The following COL4A1 variants were observed in gnomAD, a reference collection of about 807,000 sequenced individuals.
The protein encoded by COL4A1 is collagen alpha-1(IV) chain.
In COL4A1, 40 loss-of-function variants were observed where a neutral mutation model predicts 216.6. The observed-to-expected ratio is 0.18, with a 90% CI of 0.14 to 0.24. COL4A1 has a LOEUF of 0.24. COL4A1 is among the 10% of genes least tolerant of loss of function. COL4A1 has a pLI of 1.00. For missense variants in COL4A1, 1,628 were observed against 2,196.8 expected (o/e 0.74, Z 5.18); for synonymous variants, 839 against 810.7 (o/e 1.03, Z -0.59).
At chr13:110,306,195 G>A (rs1884697490) in intron 1 of COL4A1, among the ~76,000 whole-genome samples, 1 of 152,008 alleles carries the variant, frequency 6.6e-6, no homozygotes, top group Non-Finnish European at 1.5e-5. Context: ...CATAACCAAA[G>A]GAAATGAAAA....
At chr13:110,205,882 T>C (rs1226779940) in intron 15 of COL4A1, among the ~76,000 whole-genome samples, 1 of 151,850 alleles carries the variant, frequency 6.6e-6, no homozygotes, top group Non-Finnish European at 1.5e-5. Context: ...TATATGTATA[T>C]ATATATAATA....
At chr13:110,266,249 G>T (rs1186807179) in intron 1 of COL4A1, 1 of 152,298 alleles carries the variant, frequency 6.6e-6, no homozygotes, top group African/African-American at 2.4e-5. Context: ...CTCACAGACG[G>T]CAGCATCCAC....
At chr13:110,234,349 G>T (rs75037195) in intron 2 of COL4A1, among the ~76,000 whole-genome samples, 1 of 152,124 alleles carries the variant, frequency 6.6e-6, no homozygotes, top group Non-Finnish European at 1.5e-5. Flanking sequence ...TTGGGAGGCC[G>T]AGACAGCAAA....
chr13:110,276,999 G>T (rs75332553), intron 1 of COL4A1, among the ~76,000 whole-genome samples: 8,290 of 152,232 alleles, frequency 0.054, 305 homozygotes, highest in Non-Finnish European at 0.082. Context: ...CCTTTTGCAG[G>T]GATGTGCGTT....
chr13:110,251,257 A>T (rs148360469), intron 1 of COL4A1, among the ~76,000 whole-genome samples: 1 of 152,164 alleles, frequency 6.6e-6, no homozygotes, highest in Admixed American at 6.5e-5. Flanking sequence ...CCTGGCCTGC[A>T]CCGGCCATGT....
intron 2 of COL4A1, among the ~76,000 whole-genome samples, chr13:110,218,658 G>A (rs926346919): frequency 5.3e-5 from 8 of 152,206 alleles, no homozygotes; most frequent in African/African-American, 1.9e-4. Flanking sequence ...GGTAGTGAAA[G>A]GTTACTGGGC....
At chr13:110,282,697 G>T (rs1007336908) in intron 1 of COL4A1, among the ~76,000 whole-genome samples, 1 of 152,200 alleles carries the variant, frequency 6.6e-6, no homozygotes, top group African/African-American at 2.4e-5. Context: ...GTACCCTGAA[G>T]TATATGTCCC....
chr13:110,241,433 T>C (rs1050675045), intron 2 of COL4A1, among the ~76,000 whole-genome samples: 2 of 152,210 alleles, frequency 1.3e-5, no homozygotes, highest in Admixed American at 1.3e-4. Context: ...ATTTTATCAT[T>C]TTAAGGACAT....
chr13:110,225,769 C>A (rs1218017707), intron 2 of COL4A1, among the ~76,000 whole-genome samples: 3 of 152,156 alleles, frequency 2.0e-5, no homozygotes, highest in African/African-American at 7.2e-5. Context: ...TTTTCATGCT[C>A]TCTCTTCAGT....
At position 110,162,350 on chromosome 13, in the gene COL4A1, C is replaced by T. The variant is rs1360467450; in HGVS notation, c.4342G>A (p.Val1448Met). The change falls in exon 48 of 52, where the codon GTG becomes ATG. Residue 1448 changes from valine (V) to methionine (M), a missense_variant. Transcript: ENST00000375820. Reference sequence around the variant, plus strand: ...TCTATTGTTTGACTATGCCTGGTCACAAGGAAGCCGTGATCAACAGATGGG... The same window carrying T: ...TCTATTGTTTGACTATGCCTGGTCATAAGGAAGCCGTGATCAACAGATGGG... ...GTPSVDHGFL[V>M]TRHSQTIDDP... 1 of 1,614,218 alleles carries T rather than the reference C, an allele frequency of 6.2e-7. No individual in the cohort carries two copies. Among genetic ancestry groups the T allele is most frequent in the Non-Finnish European group, 8.5e-7 (1 of 1,180,040 alleles).
intron 1 of COL4A1, among the ~76,000 whole-genome samples, chr13:110,258,392 T>C (rs2046003415): frequency 6.6e-6 from 1 of 151,984 alleles, no homozygotes; most frequent in South Asian, 2.1e-4. Flanking sequence ...ATACAAAAAT[T>C]AGCCAGGCGT....
chr13:110,181,539 G>T, intron 28 of COL4A1, 150 bp from the exon 29 acceptor site: 1 of 799,552 alleles, frequency 1.3e-6, no homozygotes, highest in Non-Finnish European at 2.1e-6. Context: ...GGCTGGAAGA[G>T]GCCAGGGGAG....
intron 50 of COL4A1, among the ~76,000 whole-genome samples, 159 bp downstream of exon 50, chr13:110,155,124 C>T (rs963682051): frequency 2.0e-5 from 3 of 152,176 alleles, no homozygotes; most frequent in African/African-American, 7.2e-5. Flanking sequence ...GCAGGCCAGG[C>T]TTTGAGGCAT....
chr13:110,229,168 T>C (rs1324695559), intron 2 of COL4A1, among the ~76,000 whole-genome samples: 1 of 152,174 alleles, frequency 6.6e-6, no homozygotes, highest in Non-Finnish European at 1.5e-5. Flanking sequence ...AATCACCCAT[T>C]ATGGGCCTGA....
At chr13:110,297,390 T>C (rs1884317080) in intron 1 of COL4A1, among the ~76,000 whole-genome samples, 1 of 151,122 alleles carries the variant, frequency 6.6e-6, no homozygotes. Flanking sequence ...CAGTATCGTG[T>C]CTGCGACCTT....
intron 20 of COL4A1, among the ~76,000 whole-genome samples, chr13:110,199,843 A>C (rs1032022614): frequency 6.6e-6 from 1 of 152,222 alleles, no homozygotes; most frequent in Admixed American, 6.5e-5. Flanking sequence ...GGAGACATGA[A>C]GTCACACATT....
At chr13:110,229,849 C>T (rs183570238) in intron 2 of COL4A1, among the ~76,000 whole-genome samples, 1 of 152,324 alleles carries the variant, frequency 6.6e-6, no homozygotes, top group East Asian at 1.9e-4. Flanking sequence ...AAAGAAAAAG[C>T]CCTATGCCTC....
Position 110,208,364 on chromosome 13 carries a change from C to T in COL4A1, c.693+485G>A, listed in dbSNP as rs554751961. On this transcript the variant is annotated intron_variant, in intron 12 of 51. Transcript: ENST00000375820. ...CCGGTGGTGCGGGGCCACTGCCAAC[C>T]GTGCTAGTCCTAATTCTCCTGGTGG... Among the ~76,000 whole-genome samples the T allele has an allele frequency of 2.0e-5, 3 of 152,216 alleles. No homozygotes were observed. The East Asian group carries it at 5.8e-4, about 29-fold the overall frequency.
At chr13:110,156,022 T>G (rs1876770494) in intron 49 of COL4A1, among the ~76,000 whole-genome samples, 1 of 152,210 alleles carries the variant, frequency 6.6e-6, no homozygotes, top group South Asian at 2.1e-4. Context: ...ATGCTCGGCC[T>G]GCCTGTGGGC....
Sources: gnomAD v4.1 joint callset for allele counts (sites outside exome capture counted in the v4.1 genomes callset) on GRCh38, gnomAD v4.1.1 for gene constraint, MANE v1.5 for transcripts, NCBI Gene and HGNC (gene_info 2026-07-23, HGNC 2026-07-21) for gene names.